Variants in GRAMD1B observed in about 807,000 individuals in gnomAD.
GRAMD1B encodes the protein GRAM domain containing 1B.
In GRAMD1B, 37 loss-of-function variants were observed where a neutral mutation model predicts 99.7. The ratio of observed to expected loss-of-function variants is 0.37; its 90% CI spans 0.29 to 0.49. The LOEUF (loss-of-function observed/expected upper bound fraction) is 0.49. Among genes scored for constraint, GRAMD1B ranks in the 20% least tolerant of loss-of-function variants. The probability of loss-of-function intolerance (pLI) is 0.98; values close to 1 mark genes in which losing one functional copy is unlikely to be tolerated. For missense variants in GRAMD1B, 888 were observed against 1,009.2 expected, an observed-to-expected ratio of 0.88 and a Z score of 1.63; for synonymous variants, 427 against 387.6, an observed-to-expected ratio of 1.10 and a Z score of -1.19.
chr11:123,392,046 T>C (rs77947759), intron 1 of GRAMD1B, among the ~76,000 whole-genome samples: 1,880 of 152,176 alleles, frequency 0.012, 47 homozygotes, highest in African/African-American at 0.043. Context: ...GAGATCTGAA[T>C]AGAGTGAGGG....
At chr11:123,476,127 C>T (rs543621932) in intron 1 of GRAMD1B, among the ~76,000 whole-genome samples, 2 of 148,524 alleles carry the variant, frequency 1.3e-5, no homozygotes, top group African/African-American at 2.5e-5. Flanking sequence ...TTTTTTGAGA[C>T]GGAGTCTCTG....
At chr11:123,502,604 G>A (rs925454042) in intron 2 of GRAMD1B, among the ~76,000 whole-genome samples, 57 of 152,032 alleles carry the variant, frequency 3.7e-4, no homozygotes, top group Non-Finnish European at 7.2e-4. Flanking sequence ...GTGAAACTCC[G>A]TCTCTACTAA....
intron 1 of GRAMD1B, among the ~76,000 whole-genome samples, chr11:123,419,923 T>C (rs1948371297): frequency 1.3e-5 from 2 of 152,138 alleles, no homozygotes; most frequent in Non-Finnish European, 2.9e-5. Context: ...GAACCCAGTG[T>C]CCTTGTTCCA....
chr11:123,424,589 CA>C (rs1188555217), intron 1 of GRAMD1B, among the ~76,000 whole-genome samples: 1 of 152,200 alleles, frequency 6.6e-6, no homozygotes, highest in Non-Finnish European at 1.5e-5. Flanking sequence ...TTCCTATTTT[CA>C]AAACCTCTTT....
chr11:123,550,370 G>A (rs943028527), intron 2 of GRAMD1B, among the ~76,000 whole-genome samples: 8 of 151,846 alleles, frequency 5.3e-5, no homozygotes, highest in Admixed American at 3.3e-4. Context: ...CTTCCCCCCA[G>A]ACTCACACAT....
At chr11:123,483,695 T>C (rs559245254) in intron 2 of GRAMD1B, among the ~76,000 whole-genome samples, 9 of 152,300 alleles carry the variant, frequency 5.9e-5, no homozygotes, top group African/African-American at 2.2e-4. Flanking sequence ...TAATATCTTC[T>C]GACCACACTT....
At chr11:123,616,030 A>G (rs1343958761) in intron 17 of GRAMD1B, among the ~76,000 whole-genome samples, 1 of 152,212 alleles carries the variant, frequency 6.6e-6, no homozygotes, top group Non-Finnish European at 1.5e-5. Context: ...ATTAAAAACA[A>G]AAGTAACTGT....
At position 123,591,529 on chromosome 11, in the gene GRAMD1B, G is replaced by A; in HGVS notation, c.685-2553G>A. The A allele has an allele frequency of 2.5e-6, 1 of 398,970 alleles. No individual in the cohort carries two copies. The highest frequency in any genetic ancestry group is 4.4e-6 in the Non-Finnish European group (1 of 226,090). The allele number at this position is 398,970 out of a possible 1,614,324, so 24.7% of individuals were successfully genotyped here. A position where few individuals can be genotyped will look rare whatever the true frequency, so the allele number is the denominator to read the frequency against. On this transcript the variant is annotated intron_variant, in intron 4 of 19. Coordinates refer to ENST00000635736, the MANE Select transcript of GRAMD1B (RefSeq NM_001387025.1). The surrounding 1 kb of genome is among the most constrained non-coding windows in gnomAD (Gnocchi z 4.7). Reference sequence around the variant, plus strand: ...AACACCGTTGCTGGCACGGATCTGAGGAAATCCCAGCCGTGAGTGTGTGAC... The same window carrying A: ...AACACCGTTGCTGGCACGGATCTGAAGAAATCCCAGCCGTGAGTGTGTGAC...
chr11:123,538,897 G>A (rs900065448), intron 2 of GRAMD1B, among the ~76,000 whole-genome samples: 1 of 151,982 alleles, frequency 6.6e-6, no homozygotes, highest in African/African-American at 2.4e-5. Context: ...CTAAAGTGCC[G>A]GGATTACAGG....
At chr11:123,596,605 C>T (rs986684012) in intron 7 of GRAMD1B, among the ~76,000 whole-genome samples, 5 of 152,198 alleles carry the variant, frequency 3.3e-5, no homozygotes, top group African/African-American at 1.2e-4. Context: ...TGGGTTTCTG[C>T]TGAAGGCCAA....
chr11:123,527,187 G>A, intron 2 of GRAMD1B, among the ~76,000 whole-genome samples: 1 of 152,168 alleles, frequency 6.6e-6, no homozygotes, highest in Admixed American at 6.5e-5. Context: ...GTGGGGTGGG[G>A]TGGCGGCAGG....
upstream of GRAMD1B, among the ~76,000 whole-genome samples, chr11:123,430,170 A>C (rs945767955): frequency 2.6e-5 from 4 of 152,056 alleles, no homozygotes; most frequent in African/African-American, 9.7e-5. Flanking sequence ...GGTCGCTGCC[A>C]GTGCTAGCCC....
chr11:123,438,381 C>A (rs541417524), intron 1 of GRAMD1B, among the ~76,000 whole-genome samples: 1 of 152,026 alleles, frequency 6.6e-6, no homozygotes, highest in Non-Finnish European at 1.5e-5. Context: ...TGCTTGAGAA[C>A]TTGTAGATGT....
intron 1 of GRAMD1B, among the ~76,000 whole-genome samples, chr11:123,403,824 G>A (rs780069729): frequency 8.5e-5 from 13 of 152,146 alleles, no homozygotes; most frequent in South Asian, 2.1e-4. Flanking sequence ...GATTACAGAC[G>A]TGAGCCACCG....
rs112633529 is a variant in GRAMD1B at position 123,480,760 on chromosome 11, C to T, written c.375-56C>T. 328 of 398,754 alleles carry T rather than the reference C, an allele frequency of 8.2e-4. 1 individual carries two copies. The highest frequency in any genetic ancestry group is 6.2e-3 in the African/African-American group (303 of 48,682). The allele number at this position is 398,754 out of a possible 1,614,324, so 24.7% of individuals were successfully genotyped here. On this transcript the variant is annotated intron_variant, in intron 1 of 19. Coordinates refer to ENST00000635736, the MANE Select transcript of GRAMD1B (RefSeq NM_001387025.1). Reference sequence around the variant, plus strand: ...TCTAGTTGAAGTCTAAGTGACCTCCCCCAGGGTTGAGAAAGAAGCTGAAGT... The same window carrying T: ...TCTAGTTGAAGTCTAAGTGACCTCCTCCAGGGTTGAGAAAGAAGCTGAAGT...
intron 17 of GRAMD1B, chr11:123,618,399 C>G: frequency 6.3e-7 from 1 of 1,588,530 alleles, no homozygotes; most frequent in South Asian, 1.1e-5. Context: ...CATCTCTTTT[C>G]CTCCCCACCG....
At chr11:123,614,692 G>A (rs1954103446) in intron 16 of GRAMD1B, 53 bp from the exon 17 acceptor site, 3 of 1,055,422 alleles carry the variant, frequency 2.8e-6, no homozygotes, top group Non-Finnish European at 4.4e-6. Context: ...CCCACCAGCA[G>A]TTGTTGGACT....
chr11:123,425,357 A>G (rs1948611946), upstream of GRAMD1B, among the ~76,000 whole-genome samples: 1 of 152,214 alleles, frequency 6.6e-6, no homozygotes, highest in Non-Finnish European at 1.5e-5. Flanking sequence ...GGGCGACCTC[A>G]GAAAGTCTTT....
chr11:123,540,533 T>G (rs913799652), intron 2 of GRAMD1B, among the ~76,000 whole-genome samples: 2 of 152,244 alleles, frequency 1.3e-5, no homozygotes, highest in African/African-American at 4.8e-5. Flanking sequence ...ATGTCTTCTC[T>G]TTAGTAAATT....
Sources: allele counts gnomAD v4.1 joint callset (sites outside exome capture counted in the v4.1 genomes callset), GRCh38; gene constraint gnomAD v4.1.1; non-coding constraint Gnocchi (gnomAD v3.1); transcripts MANE v1.5; gene names NCBI Gene and HGNC (gene_info 2026-07-23, HGNC 2026-07-21).